The following STK38 variants were observed in gnomAD, a reference collection of about 807,000 sequenced individuals.
STK38 encodes serine/threonine kinase 38, also known as serine/threonine-protein kinase 38.
In STK38, 26 loss-of-function variants were observed where a neutral mutation model predicts 59.0. The observed-to-expected ratio is 0.44, with a 90% CI of 0.32 to 0.61. The LOEUF is 0.61. Among genes scored for constraint, STK38 ranks in the 20% least tolerant of loss-of-function variants. The probability of loss-of-function intolerance (pLI) is 0.04; values close to 1 mark genes in which losing one functional copy is unlikely to be tolerated. For synonymous variants in STK38, 175 were observed against 176.6 expected, an observed-to-expected ratio of 0.99 and a Z score of 0.07; for missense variants, 433 against 566.0, an observed-to-expected ratio of 0.76 and a Z score of 2.38.
intron 6 of STK38, among the ~76,000 whole-genome samples, chr6:36,517,200 C>G (rs1777277296): frequency 6.6e-6 from 1 of 152,032 alleles, no homozygotes; most frequent in Admixed American, 6.6e-5. Flanking sequence ...ATGTTCTGTT[C>G]TGGGTTTACT....
Position 36,495,786 on chromosome 6 carries a change from A to AT in STK38, c.1395dup (p.Ter466IlefsTer32). The AT allele has an allele frequency of 6.2e-7, 1 of 1,613,842 alleles. No homozygotes were observed. The highest frequency in any genetic ancestry group is 8.5e-7 in the Non-Finnish European group (1 of 1,179,848). Reference sequence around the variant, plus strand: ...CATAGGATTCCGTGGCAAGAGTACTATTTTGCTGCTTTCATGTAGGAAGGT... The same window carrying AT: ...CATAGGATTCCGTGGCAAGAGTACTATTTTTGCTGCTTTCATGTAGGAAGGT... On this transcript the variant is annotated frameshift_variant, in exon 14 of 14. Coordinates refer to ENST00000229812, the MANE Select transcript of STK38 (RefSeq NM_007271.4). LOFTEE classifies it high-confidence loss of function.
At chr6:36,542,662 C>T (rs1013738042) in intron 1 of STK38, among the ~76,000 whole-genome samples, 28 of 150,618 alleles carry the variant, frequency 1.9e-4, no homozygotes, top group African/African-American at 6.4e-4. Context: ...ATAATAAAAT[C>T]GGCTGAGCGC....
chr6:36,540,045 A>G, intron 2 of STK38, 27 bp downstream of exon 2: 1 of 1,612,552 alleles, frequency 6.2e-7, no homozygotes, highest in Non-Finnish European at 8.5e-7. Flanking sequence ...CAACCATGAC[A>G]CAATTTTTTC....
chr6:36,520,986 T>C (rs1264341329), intron 5 of STK38, among the ~76,000 whole-genome samples: 1 of 152,128 alleles, frequency 6.6e-6, no homozygotes, highest in Non-Finnish European at 1.5e-5. Context: ...TACAGGACAT[T>C]TGCGGTCATC....
chr6:36,500,938 T>C (rs899789938), intron 9 of STK38, among the ~76,000 whole-genome samples: 7 of 152,070 alleles, frequency 4.6e-5, no homozygotes, highest in Admixed American at 4.6e-4. Flanking sequence ...TAATTGTTTT[T>C]GTATATAGTT....
chr6:36,505,618 A>T (rs1176614022), intron 9 of STK38, among the ~76,000 whole-genome samples: 1 of 152,210 alleles, frequency 6.6e-6, no homozygotes, highest in African/African-American at 2.4e-5. Context: ...ACTGAAACAC[A>T]GTATTTGGTA....
At chr6:36,541,567 TG>T (rs1351571337) in intron 1 of STK38, among the ~76,000 whole-genome samples, 1 of 152,222 alleles carries the variant, frequency 6.6e-6, no homozygotes, top group African/African-American at 2.4e-5. Flanking sequence ...TAATTCAGTA[TG>T]AAAAAGCCCT....
intron 2 of STK38, among the ~76,000 whole-genome samples, chr6:36,525,997 C>T (rs1222588881): frequency 1.3e-5 from 2 of 152,052 alleles, no homozygotes; most frequent in Non-Finnish European, 2.9e-5. Context: ...ACTACAGGCG[C>T]GTGCCACCAT....
At chr6:36,525,683 A>C in intron 2 of STK38, 41 bp from the exon 3 acceptor site, 1 of 1,545,112 alleles carries the variant, frequency 6.5e-7, no homozygotes, top group Non-Finnish European at 8.9e-7. Flanking sequence ...TCACATCTGA[A>C]TGATAACTTT....
chr6:36,528,914 G>A (rs938333179), intron 2 of STK38, among the ~76,000 whole-genome samples: 1 of 152,100 alleles, frequency 6.6e-6, no homozygotes, highest in African/African-American at 2.4e-5. Context: ...TTTTCCACAG[G>A]TTTACTGAAG....
chr6:36,506,498 T>C lies in STK38; in HGVS notation c.834+85A>G, dbSNP rs879405915. Reference sequence around the variant, plus strand: ...AAAGCAAGGGATATGTTGCAAATATTTGTCAAATGCAAATTTATGTGAAAA... The same window carrying C: ...AAAGCAAGGGATATGTTGCAAATATCTGTCAAATGCAAATTTATGTGAAAA... On this transcript the variant is annotated intron_variant, in intron 9 of 13. Coordinates refer to ENST00000229812, the MANE Select transcript of STK38 (RefSeq NM_007271.4). 7.2e-5 allele frequency: 103 copies of C among 1,420,976 alleles called. No individual in the cohort carries two copies. In the Admixed American group the frequency reaches 9.8e-4, roughly 14 times the overall value. 88.0% of individuals were successfully genotyped at this position (1,420,976 alleles called of 1,614,324 possible).
At chr6:36,545,304 A>G (rs1190378012) in intron 1 of STK38, among the ~76,000 whole-genome samples, 3 of 150,906 alleles carry the variant, frequency 2.0e-5, no homozygotes, top group African/African-American at 4.9e-5. Flanking sequence ...AAAAAAAAAA[A>G]AAAAAAAAAA....
At chr6:36,542,887 A>C (rs1413083155) in intron 1 of STK38, among the ~76,000 whole-genome samples, 2 of 151,944 alleles carry the variant, frequency 1.3e-5, no homozygotes, top group Non-Finnish European at 2.9e-5. Flanking sequence ...CAGAGGTTGC[A>C]GTGAGCCGAG....
At chr6:36,509,288 C>T (rs755596486) in intron 7 of STK38, among the ~76,000 whole-genome samples, 3 of 152,166 alleles carry the variant, frequency 2.0e-5, no homozygotes, top group Non-Finnish European at 4.4e-5. Flanking sequence ...GTCATCCTGA[C>T]ATCTGTGCAG....
rs1776996166 is a variant in STK38 at position 36,507,480 on chromosome 6, A to T, written c.772+20T>A. On this transcript the variant is annotated intron_variant, in intron 8 of 13. Coordinates refer to ENST00000229812, the MANE Select transcript of STK38 (RefSeq NM_007271.4). The stretch of plus-strand genomic sequence containing the variant: ...AGGCCCAGTTAGAACGAAAAGGCTA[A>T]CGTAATTGTTACCACTTACTGAAAT... 6.2e-7 allele frequency: 1 copy of T among 1,604,224 alleles called. No individual in the cohort carries two copies. Among genetic ancestry groups the T allele is most frequent in the Non-Finnish European group, 8.5e-7 (1 of 1,171,146 alleles).
chr6:36,540,066 C>G lies in STK38; in HGVS notation c.131+6G>C. ...TGACACAATTTTTTCAAACAAAATT[C>G]TTTACCTCATTTCTCGTTCTTCATG... On this transcript the variant is annotated splice_donor_region_variant and intron_variant, in intron 2 of 13. Transcript: ENST00000229812. The G allele has an allele frequency of 6.2e-7, 1 of 1,613,216 alleles. No individual in the cohort carries two copies.
At position 36,496,790 on chromosome 6, in the gene STK38, T is replaced by C; in HGVS notation, c.1188A>G (p.Ala396=). 3 of 1,613,008 alleles carry C rather than the reference T, an allele frequency of 1.9e-6. No individual in the cohort carries two copies. Among genetic ancestry groups the C allele is most frequent in the African/African-American group, 1.3e-5 (1 of 75,030 alleles). Residue 396 remains alanine (A), a synonymous_variant, in exon 13 of 14, where the codon GCA becomes GCG. Coordinates refer to ENST00000229812, the MANE Select transcript of STK38 (RefSeq NM_007271.4). ...DWEHIRERPA[A]ISIEIKSIDD... ...CAATGCTTTTGATTTCAATAGATAT[T>C]GCAGCAGGTCTCTCTCTGCCAAGAA...
rs551361991 is a variant in STK38 at position 36,505,413 on chromosome 6, T to A, written c.834+1170A>T. Among the ~76,000 whole-genome samples, 15 of 152,324 alleles carry A rather than the reference T, an allele frequency of 9.8e-5. No homozygotes were observed. The East Asian group carries it at 2.9e-3, about 29-fold the overall frequency. On this transcript the variant is annotated intron_variant, in intron 9 of 13. Coordinates refer to ENST00000229812, the MANE Select transcript of STK38 (RefSeq NM_007271.4). Reference sequence around the variant, plus strand: ...AAACTGAAGATTTCCCAAGTAAATATTGTCTGAGGCCCCACTGATAGGTGG... The same window carrying A: ...AAACTGAAGATTTCCCAAGTAAATAATGTCTGAGGCCCCACTGATAGGTGG...
intron 2 of STK38, among the ~76,000 whole-genome samples, chr6:36,538,710 A>G (rs6902076): frequency 0.28 from 42,207 of 151,724 alleles, 6,788 homozygotes; most frequent in African/African-American, 0.44. Context: ...TGGCCAACAC[A>G]GTGAAACCCT....
Sources: gnomAD v4.1 joint callset for allele counts (sites outside exome capture counted in the v4.1 genomes callset) on GRCh38, gnomAD v4.1.1 for gene constraint, MANE v1.5 for transcripts, NCBI Gene and HGNC (gene_info 2026-07-23, HGNC 2026-07-21) for gene names.